Variants in SLC8A1 observed in about 807,000 individuals in gnomAD.
The protein encoded by SLC8A1 is sodium/calcium exchanger 1.
A neutral mutation model predicts 68.3 loss-of-function variants in SLC8A1; 18 were observed. That is an observed-to-expected ratio of 0.26 (90% confidence interval 0.18 to 0.39). The LOEUF (loss-of-function observed/expected upper bound fraction) is 0.39, where lower values mean the gene tolerates loss of function less well. SLC8A1 is among the 10% of genes least tolerant of loss of function. The pLI is 1.00. For missense variants in SLC8A1, 985 were observed against 1,156.7 expected (o/e 0.85, Z 2.15); for synonymous variants, 475 against 415.5 (o/e 1.14, Z -1.74).
At chr2:40,300,917 G>A (rs1481486518) in intron 2 of SLC8A1, among the ~76,000 whole-genome samples, 6 of 152,182 alleles carry the variant, frequency 3.9e-5, no homozygotes. Flanking sequence ...AGTAGGTTAA[G>A]ATGATTTACT....
chr2:40,253,183 A>T (rs556076830), intron 2 of SLC8A1, among the ~76,000 whole-genome samples: 2 of 134,874 alleles, frequency 1.5e-5, no homozygotes, highest in Non-Finnish European at 3.1e-5. Context: ...ACAAATATAC[A>T]TATATACACG....
chr2:40,260,333 T>C (rs190990873), intron 2 of SLC8A1, among the ~76,000 whole-genome samples: 4 of 152,334 alleles, frequency 2.6e-5, no homozygotes, highest in Admixed American at 2.6e-4. Context: ...CAGAGGTCCT[T>C]AGCCCATAGA....
At chr2:40,241,257 C>A (rs1351730423) in intron 2 of SLC8A1, among the ~76,000 whole-genome samples, 1 of 152,104 alleles carries the variant, frequency 6.6e-6, no homozygotes, top group Non-Finnish European at 1.5e-5. Flanking sequence ...AACAGAAAAC[C>A]AAATACCACG....
intron 1 of SLC8A1, among the ~76,000 whole-genome samples, chr2:40,459,329 T>A (rs193075073): frequency 1.4e-4 from 22 of 152,328 alleles, no homozygotes; most frequent in South Asian, 4.1e-4. Context: ...CAAACCTTTT[T>A]TGAGAGTCCC....
chr2:40,156,880 G>C, intron 6 of SLC8A1, among the ~76,000 whole-genome samples: 1 of 152,208 alleles, frequency 6.6e-6, no homozygotes, highest in Middle Eastern at 3.4e-3. Context: ...CTGTGTATAC[G>C]TGTGTTCTAC....
chr2:40,436,117 T>C (rs1334769971), intron 1 of SLC8A1, among the ~76,000 whole-genome samples: 1 of 152,056 alleles, frequency 6.6e-6, no homozygotes, highest in African/African-American at 2.4e-5. Flanking sequence ...AATGGTTCTA[T>C]TTATTGTCTT....
intron 2 of SLC8A1, among the ~76,000 whole-genome samples, chr2:40,425,039 T>A (rs984666539): frequency 6.6e-6 from 1 of 151,862 alleles, no homozygotes; most frequent in African/African-American, 2.4e-5. Context: ...CTTAATTTAT[T>A]TTTTATTAGC....
intron 2 of SLC8A1, among the ~76,000 whole-genome samples, chr2:40,286,102 T>C (rs763740881): frequency 6.6e-6 from 1 of 152,206 alleles, no homozygotes; most frequent in Non-Finnish European, 1.5e-5. Context: ...TAGTGTCTAG[T>C]ACACGACAGA....
intron 1 of SLC8A1, among the ~76,000 whole-genome samples, chr2:40,431,950 T>C (rs963583911): frequency 3.3e-5 from 5 of 152,076 alleles, no homozygotes; most frequent in Non-Finnish European, 7.4e-5. Flanking sequence ...TTGACATTTT[T>C]CCCATACTAA....
At chr2:40,393,743 A>G (rs1686024176) in intron 2 of SLC8A1, among the ~76,000 whole-genome samples, 1 of 152,166 alleles carries the variant, frequency 6.6e-6, no homozygotes, top group Non-Finnish European at 1.5e-5. Flanking sequence ...ATTAGATACT[A>G]CAGTTGGAAA....
At chr2:40,467,897 A>G (rs1318287805) in intron 1 of SLC8A1, among the ~76,000 whole-genome samples, 3 of 152,180 alleles carry the variant, frequency 2.0e-5, no homozygotes, top group African/African-American at 7.2e-5. Context: ...GCATGATCAT[A>G]AGACTGCATA....
At chr2:40,409,505 C>T (rs906010461) in intron 2 of SLC8A1, among the ~76,000 whole-genome samples, 1 of 152,104 alleles carries the variant, frequency 6.6e-6, no homozygotes, top group Non-Finnish European at 1.5e-5. Flanking sequence ...AACATTCACA[C>T]ATAACACCAC....
intron 2 of SLC8A1, among the ~76,000 whole-genome samples, chr2:40,340,367 C>T (rs1667310593): frequency 1.3e-5 from 2 of 152,114 alleles, no homozygotes; most frequent in African/African-American, 4.8e-5. Flanking sequence ...TTGAGACCAG[C>T]CTGGCCGACA....
exon 8 of SLC8A1, chr2:40,101,027 T>C (rs2033860957): frequency 6.6e-6 from 1 of 152,136 alleles, no homozygotes; most frequent in Non-Finnish European, 1.5e-5. Flanking sequence ...TATCCACAAA[T>C]GTGATATTTT....
At chr2:40,197,939 A>C (rs896976210) in intron 2 of SLC8A1, among the ~76,000 whole-genome samples, 12 of 151,696 alleles carry the variant, frequency 7.9e-5, no homozygotes, top group African/African-American at 2.9e-4. Context: ...TTGTGGAAAG[A>C]AAGCAGTGCC....
intron 2 of SLC8A1, among the ~76,000 whole-genome samples, chr2:40,188,772 TTC>T (rs2051191514): frequency 6.6e-6 from 1 of 152,184 alleles, no homozygotes; most frequent in Non-Finnish European, 1.5e-5. Context: ...CATATTCTCT[TTC>T]TCTGTTTTCC....
At chr2:40,353,215 A>T (rs1454761887) in intron 2 of SLC8A1, among the ~76,000 whole-genome samples, 1 of 152,136 alleles carries the variant, frequency 6.6e-6, no homozygotes, top group African/African-American at 2.4e-5. Flanking sequence ...TGCCTGCTCA[A>T]ATTTTGTTCC....
chr2:40,312,608 A>G (rs917107593), intron 2 of SLC8A1, among the ~76,000 whole-genome samples: 1 of 152,150 alleles, frequency 6.6e-6, no homozygotes, highest in African/African-American at 2.4e-5. Flanking sequence ...TATCCTGTAT[A>G]TTTCATAAGT....
intron 5 of SLC8A1, among the ~76,000 whole-genome samples, chr2:40,163,120 A>C (rs1346848261): frequency 6.6e-6 from 1 of 152,192 alleles, no homozygotes. Flanking sequence ...CTACAAAGAT[A>C]AGTACCCCAA....
Sources: allele counts gnomAD v4.1 joint callset (sites outside exome capture counted in the v4.1 genomes callset), GRCh38; gene constraint gnomAD v4.1.1; transcripts MANE v1.5; gene names NCBI Gene and HGNC (gene_info 2026-07-23, HGNC 2026-07-21).